The following PCDH9 variants were observed in gnomAD, a reference collection of about 807,000 sequenced individuals.
PCDH9 encodes protocadherin 9.
Under a neutral mutation model 70.6 loss-of-function variants are expected in PCDH9, and 24 were observed. The ratio of observed to expected loss-of-function variants is 0.34; its 90% CI spans 0.25 to 0.48. PCDH9 has a LOEUF of 0.48. Among genes scored for constraint, PCDH9 ranks in the 20% least tolerant of loss-of-function variants. The pLI is 0.99. For synonymous variants in PCDH9, 562 were observed against 558.5 expected (o/e 1.01, Z -0.09); for missense variants, 1,281 against 1,503.6 (o/e 0.85, Z 2.45).
In PCDH9 at chr13:66,631,276, C is replaced by T. The variant is rs761915056; in HGVS notation, c.3274G>A (p.Glu1092Lys). The T allele has an allele frequency of 9.3e-6, 15 of 1,610,970 alleles. No individual in the cohort carries two copies. Among genetic ancestry groups the T allele is most frequent in the South Asian group, 7.7e-5 (7 of 91,032 alleles). ...TCCGGAGAGGCCTGGTCATAGAATT[C>T]GTCCTGTGGCTGAACCAGAGGAAGA... Reference protein sequence around the residue: ...HPLPLVQPQDEFYDQASPDKR... With the variant: ...HPLPLVQPQDKFYDQASPDKR... The change falls in exon 4 of 5, where the codon GAA becomes AAA. Residue 1092 changes from glutamate to lysine, a missense_variant. Transcript: ENST00000377865.
chr13:66,906,943 C>T (rs774491693), intron 2 of PCDH9, among the ~76,000 whole-genome samples: 1 of 151,222 alleles, frequency 6.6e-6, no homozygotes, highest in South Asian at 2.1e-4. Context: ...CAGTGGCTCA[C>T]GCCTGTAATC....
intron 3 of PCDH9, among the ~76,000 whole-genome samples, chr13:66,885,476 G>A (rs2081990371): frequency 6.6e-6 from 1 of 152,216 alleles, no homozygotes; most frequent in East Asian, 1.9e-4. Flanking sequence ...GGGTTATTCT[G>A]TATTAAATGT....
At chr13:66,628,378 T>A (rs2077525840) in intron 4 of PCDH9, among the ~76,000 whole-genome samples, 3 of 152,230 alleles carry the variant, frequency 2.0e-5, no homozygotes. Context: ...ACCACATGAT[T>A]CTTTTTAACA....
chr13:67,030,008 G>C (rs2084871754), intron 2 of PCDH9, among the ~76,000 whole-genome samples: 1 of 152,144 alleles, frequency 6.6e-6, no homozygotes, highest in East Asian at 1.9e-4. Flanking sequence ...TTATCAGAAA[G>C]AGACTACATT....
At chr13:66,681,429 C>CT (rs1173560514) in intron 3 of PCDH9, among the ~76,000 whole-genome samples, 2 of 152,032 alleles carry the variant, frequency 1.3e-5, no homozygotes, top group Non-Finnish European at 2.9e-5. Context: ...AATCTCTCTC[C>CT]TTTTTAAAAT....
chr13:66,429,702 AAAGAAG>A (rs199711117), intron 4 of PCDH9, among the ~76,000 whole-genome samples: 2 of 151,616 alleles, frequency 1.3e-5, no homozygotes. Flanking sequence ...CCCTGCAGCT[AAAGAAG>A]AAGAAGAAGA....
At chr13:66,646,776 A>G (rs1161424587) in intron 3 of PCDH9, among the ~76,000 whole-genome samples, 2 of 152,200 alleles carry the variant, frequency 1.3e-5, no homozygotes, top group Admixed American at 6.5e-5. Flanking sequence ...TTTTAACTTT[A>G]TATCATTGAA....
At chr13:67,031,359 C>T (rs2139885348) in intron 2 of PCDH9, among the ~76,000 whole-genome samples, 1 of 152,176 alleles carries the variant, frequency 6.6e-6, no homozygotes, top group East Asian at 1.9e-4. Flanking sequence ...CTGTAAAATA[C>T]AATTCAAATA....
At chr13:66,386,802 CCAGA>C (rs1956937282) in intron 4 of PCDH9, among the ~76,000 whole-genome samples, 5 of 151,970 alleles carry the variant, frequency 3.3e-5, no homozygotes, top group Admixed American at 3.3e-4. Context: ...GAGCAAAATA[CCAGA>C]CAGAGAACTA....
At chr13:66,974,547 T>C (rs1246544294) in intron 2 of PCDH9, among the ~76,000 whole-genome samples, 1 of 152,002 alleles carries the variant, frequency 6.6e-6, no homozygotes, top group Non-Finnish European at 1.5e-5. Flanking sequence ...TGGCATCTCA[T>C]TTTTAACTTC....
At chr13:66,928,636 C>A (rs1167186151) in intron 2 of PCDH9, among the ~76,000 whole-genome samples, 1 of 152,022 alleles carries the variant, frequency 6.6e-6, no homozygotes, top group Non-Finnish European at 1.5e-5. Context: ...ATAATAGAGA[C>A]CTGAATGGTG....
chr13:67,062,771 AT>A (rs1242112639), intron 2 of PCDH9, among the ~76,000 whole-genome samples: 1 of 152,220 alleles, frequency 6.6e-6, no homozygotes, highest in Non-Finnish European at 1.5e-5. Flanking sequence ...TTGTGGAGAA[AT>A]TAGCAAAACA....
chr13:66,734,945 TTTTGAGGCTG>T (rs1432463154), intron 3 of PCDH9, among the ~76,000 whole-genome samples: 3 of 152,218 alleles, frequency 2.0e-5, no homozygotes, highest in African/African-American at 4.8e-5. Context: ...CTCAAACCTA[TTTTGAGGCTG>T]AGTTGATTAA....
chr13:66,451,130 C>T (rs928965761), intron 4 of PCDH9, among the ~76,000 whole-genome samples: 2 of 152,168 alleles, frequency 1.3e-5, no homozygotes, highest in Non-Finnish European at 2.9e-5. Context: ...GCACGTTGTG[C>T]ACATGTACCC....
intron 3 of PCDH9, among the ~76,000 whole-genome samples, chr13:66,900,749 C>T (rs1337891187): frequency 2.0e-5 from 3 of 151,428 alleles, no homozygotes; most frequent in African/African-American, 7.3e-5. Flanking sequence ...CTCATTGACA[C>T]CGAACATGAC....
intron 3 of PCDH9, among the ~76,000 whole-genome samples, chr13:66,830,507 G>A (rs545768465): frequency 2.6e-5 from 4 of 152,152 alleles, no homozygotes; most frequent in Admixed American, 6.5e-5. Context: ...ATATGCTTAC[G>A]TACTGGGCAC....
At chr13:66,611,723 C>A (rs2077295797) in intron 4 of PCDH9, among the ~76,000 whole-genome samples, 2 of 152,122 alleles carry the variant, frequency 1.3e-5, no homozygotes, top group African/African-American at 4.8e-5. Context: ...TATTTCTTTC[C>A]TTGTTTGTTG....
intron 3 of PCDH9, among the ~76,000 whole-genome samples, chr13:66,839,755 A>G (rs558349159): frequency 2.0e-4 from 31 of 152,142 alleles, no homozygotes; most frequent in Non-Finnish European, 3.8e-4. Context: ...TCTGATGTGC[A>G]TCGTAAAGCT....
intron 4 of PCDH9, among the ~76,000 whole-genome samples, chr13:66,455,159 C>T (rs1958293593): frequency 6.6e-6 from 1 of 151,894 alleles, no homozygotes; most frequent in African/African-American, 2.4e-5. Flanking sequence ...AATCATAAAA[C>T]AATAAAACCT....
Sources: allele counts gnomAD v4.1 joint callset (sites outside exome capture counted in the v4.1 genomes callset), GRCh38; gene constraint gnomAD v4.1.1; transcripts MANE v1.5; gene names NCBI Gene and HGNC (gene_info 2026-07-23, HGNC 2026-07-21).